MAGI2: variants seen among roughly 807,000 people sequenced by gnomAD.
The protein encoded by MAGI2 is membrane-associated guanylate kinase, WW and PDZ domain-containing protein 2.
A neutral mutation model predicts 133.3 loss-of-function variants in MAGI2; 35 were observed. That is an observed-to-expected ratio of 0.26 (90% confidence interval 0.20 to 0.35). The LOEUF (loss-of-function observed/expected upper bound fraction) is 0.35. Among genes scored for constraint, MAGI2 ranks in the 10% least tolerant of loss-of-function variants. The pLI, the probability that MAGI2 is intolerant of heterozygous loss-of-function variation, is 1.00. For synonymous variants in MAGI2, 729 were observed against 710.6 expected, an observed-to-expected ratio of 1.03 and a Z score of -0.41; for missense variants, 1,636 against 1,863.4, an observed-to-expected ratio of 0.88 and a Z score of 2.25.
chr7:78,917,473 T>G (rs1305602406), intron 2 of MAGI2, among the ~76,000 whole-genome samples: 1 of 152,092 alleles, frequency 6.6e-6, no homozygotes, highest in Non-Finnish European at 1.5e-5. Context: ...ATAGATGTGG[T>G]GGAGAAGAAA....
intron 1 of MAGI2, among the ~76,000 whole-genome samples, chr7:79,439,819 C>A (rs968192148): frequency 6.6e-5 from 10 of 152,020 alleles, no homozygotes; most frequent in Non-Finnish European, 1.3e-4. Flanking sequence ...AAACTCCTAT[C>A]CCTCCTAACC....
At position 78,147,629 on chromosome 7, in the gene MAGI2, G is replaced by T. The variant is rs369915175; in HGVS notation, c.2845+12396C>A. Among the ~76,000 whole-genome samples, 20 of 152,156 alleles carry T rather than the reference G, an allele frequency of 1.3e-4. No individual in the cohort carries two copies. In the South Asian group the frequency reaches 3.9e-3, roughly 30 times the overall value. ...ATAATGAAATGCCAATTATACTGGA[G>T]GGGGAAGAGACTAAAAGTGAAAAAA... On this transcript the variant is annotated intron_variant, in intron 16 of 21. Coordinates refer to ENST00000354212, the MANE Select transcript of MAGI2 (RefSeq NM_012301.4).
intron 1 of MAGI2, among the ~76,000 whole-genome samples, chr7:79,200,385 T>G (rs1828488745): frequency 6.6e-6 from 1 of 151,480 alleles, no homozygotes; most frequent in East Asian, 1.9e-4. Flanking sequence ...GGAGGATCAC[T>G]TATGCTCAGG....
Position 78,573,365 on chromosome 7 carries a change from AAT to A in MAGI2, c.539-51722_539-51721del, listed in dbSNP as rs58739225. ...ATATATAGAGAGAGAGAATCCTGGA[AAT>A]ATATATATATATATATATATATATA... On this transcript the variant is annotated intron_variant, in intron 3 of 21. Transcript: ENST00000354212. 9.3e-3 allele frequency among the ~76,000 whole-genome samples: 269 copies of A among 28,992 alleles called. 5 individuals are homozygous for A. Among genetic ancestry groups the A allele is most frequent in the African/African-American group, 0.041 (222 of 5,376 alleles). The allele number at this position is 28,992 out of a possible 152,430, so 19.0% of individuals were successfully genotyped here.
chr7:78,941,983 C>T (rs1270934289), intron 2 of MAGI2, among the ~76,000 whole-genome samples: 1 of 152,024 alleles, frequency 6.6e-6, no homozygotes, highest in African/African-American at 2.4e-5. Context: ...TATTAAGCTT[C>T]CAATTTCATA....
intron 1 of MAGI2, among the ~76,000 whole-genome samples, chr7:79,438,661 T>C (rs1489323996): frequency 6.6e-6 from 1 of 152,032 alleles, no homozygotes; most frequent in African/African-American, 2.4e-5. Flanking sequence ...GTGCCTCCCC[T>C]TCACCACTAC....
chr7:78,915,752 G>T (rs1642911), intron 2 of MAGI2, among the ~76,000 whole-genome samples: 56,370 of 150,542 alleles, frequency 0.37, 10,717 homozygotes, highest in South Asian at 0.44. Flanking sequence ...GTACACTTGT[G>T]CACCATAGGT....
At chr7:79,440,452 T>TA (rs1848426227) in intron 1 of MAGI2, among the ~76,000 whole-genome samples, 2 of 152,082 alleles carry the variant, frequency 1.3e-5, no homozygotes, top group Non-Finnish European at 2.9e-5. Flanking sequence ...TTCAGAATGG[T>TA]AAAAAATTTC....
chr7:78,048,863 C>G (rs1811705775), intron 21 of MAGI2, among the ~76,000 whole-genome samples: 1 of 152,150 alleles, frequency 6.6e-6, no homozygotes, highest in African/African-American at 2.4e-5. Flanking sequence ...AATCCCAGCA[C>G]TTTGGGAGGC....
At chr7:78,293,438 G>A (rs1269523505) in intron 9 of MAGI2, among the ~76,000 whole-genome samples, 2 of 152,192 alleles carry the variant, frequency 1.3e-5, no homozygotes, top group Admixed American at 1.3e-4. Context: ...GGGAACAACA[G>A]GTGCTGGAGA....
At chr7:79,207,455 T>A (rs888812850) in intron 1 of MAGI2, among the ~76,000 whole-genome samples, 2 of 151,834 alleles carry the variant, frequency 1.3e-5, no homozygotes, top group African/African-American at 4.8e-5. Context: ...ATAAAACAAT[T>A]CCACTTATAA....
At chr7:79,384,935 TTC>T (rs1223624027) in intron 1 of MAGI2, among the ~76,000 whole-genome samples, 1 of 151,786 alleles carries the variant, frequency 6.6e-6, no homozygotes, top group Non-Finnish European at 1.5e-5. Context: ...CACAGATAGT[TTC>T]TGTTAGACTC....
intron 2 of MAGI2, among the ~76,000 whole-genome samples, chr7:78,641,264 A>G (rs150518073): frequency 2.8e-4 from 43 of 152,302 alleles, no homozygotes; most frequent in African/African-American, 9.9e-4. Context: ...ACCTCCTGGA[A>G]AAAGGCTGAA....
At chr7:78,605,389 A>C (rs1235985037) in intron 3 of MAGI2, among the ~76,000 whole-genome samples, 2 of 152,212 alleles carry the variant, frequency 1.3e-5, no homozygotes, top group African/African-American at 4.8e-5. Context: ...TGAACATCGG[A>C]AAATGACCTC....
rs568898674 is a variant in MAGI2, at chr7:78,779,475, G to A, written c.419-152236C>T. Among the ~76,000 whole-genome samples, 3 of 152,278 alleles carry A rather than the reference G, an allele frequency of 2.0e-5. No homozygotes were observed. In the South Asian group the frequency reaches 6.2e-4, roughly 32 times the overall value. On this transcript the variant is annotated intron_variant, in intron 2 of 21. Coordinates refer to ENST00000354212, the MANE Select transcript of MAGI2 (RefSeq NM_012301.4). ...TAAGAAGAAGGGAAAGATGAAGAGA[G>A]AATAGAAAAGACGGAAGAAAGAGAA... is the stretch of plus-strand genomic sequence containing the variant.
chr7:78,970,293 C>A (rs1234963791), intron 2 of MAGI2, among the ~76,000 whole-genome samples: 2 of 152,012 alleles, frequency 1.3e-5, no homozygotes, highest in African/African-American at 2.4e-5. Context: ...CTTACTACAA[C>A]CCCCTGAAGG....
At chr7:79,426,206 G>C (rs1847359800) in intron 1 of MAGI2, among the ~76,000 whole-genome samples, 1 of 152,094 alleles carries the variant, frequency 6.6e-6, no homozygotes, top group Admixed American at 6.6e-5. Context: ...GATTAATTGA[G>C]CATTCAGACA....
intron 1 of MAGI2, among the ~76,000 whole-genome samples, chr7:79,402,913 C>A (rs944561258): frequency 6.6e-6 from 1 of 152,106 alleles, no homozygotes; most frequent in Non-Finnish European, 1.5e-5. Flanking sequence ...TTGGTTCTAC[C>A]CCAGGCTACT....
chr7:78,019,617 C>T lies in MAGI2; in HGVS notation c.4066G>A (p.Asp1356Asn). 6.1e-6 allele frequency: 6 copies of T among 987,696 alleles called. No homozygotes were observed. The highest frequency in any genetic ancestry group is 7.2e-6 in the Non-Finnish European group (6 of 833,220). The allele number at this position is 987,696 out of a possible 1,614,324, so 61.2% of individuals were successfully genotyped here. The change falls in exon 22 of 22, where the codon GAC becomes AAC. Residue 1356 changes from aspartate to asparagine, a missense_variant. By Grantham distance (23) the Asp-to-Asn change is conservative. Around this residue, in one of 5 missense-constraint regions of MAGI2, gnomAD observed 354 missense variants for 298.7 expected, o/e 1.19. Transcript: ENST00000354212. The part of the protein sequence containing the change: ...EARAPGLAAA[D>N]AADAARAGGK... ...CCCGCCCGCGCCGCGTCCGCCGCGT[C>T]TGCCGCCGCGAGCCCGGGCGCCCTG...
Sources: allele counts gnomAD v4.1 joint callset (sites outside exome capture counted in the v4.1 genomes callset), GRCh38; gene constraint gnomAD v4.1.1; regional missense constraint gnomAD v4.1.1; transcripts MANE v1.5; gene names NCBI Gene and HGNC (gene_info 2026-07-23, HGNC 2026-07-21).